Variants in RBFOX1 observed in about 807,000 individuals in gnomAD.
RBFOX1 encodes the protein RNA binding fox-1 homolog 1.
Under a neutral mutation model 57.7 loss-of-function variants are expected in RBFOX1, and 8 were observed. The ratio of observed to expected loss-of-function variants is 0.14; its 90% CI spans 0.08 to 0.25. RBFOX1 has a LOEUF of 0.25. Among genes scored for constraint, RBFOX1 ranks in the 10% least tolerant of loss-of-function variants. RBFOX1 has a pLI of 1.00. For synonymous variants in RBFOX1, 326 were observed against 222.4 expected, an observed-to-expected ratio of 1.47 and a Z score of -4.15; for missense variants, 611 against 548.5, an observed-to-expected ratio of 1.11 and a Z score of -1.14.
intron 1 of RBFOX1, among the ~76,000 whole-genome samples, chr16:5,320,455 A>T (rs1002053730): frequency 6.6e-6 from 1 of 152,218 alleles, no homozygotes; most frequent in African/African-American, 2.4e-5. Context: ...CAGTAAGTCC[A>T]AGAACAAGAC....
intron 2 of RBFOX1, among the ~76,000 whole-genome samples, chr16:6,515,144 G>A (rs1213575017): frequency 6.6e-6 from 1 of 152,170 alleles, no homozygotes; most frequent in African/African-American, 2.4e-5. Context: ...GCTAAGTCCT[G>A]TGGTCAGACC....
In RBFOX1 at chr16:5,664,031, GAGAC is replaced by G. The variant is rs370077158; in HGVS notation, c.318+65078_318+65081del. 1.6e-4 allele frequency among the ~76,000 whole-genome samples: 25 copies of G among 152,280 alleles called. No individual in the cohort carries two copies. The East Asian group carries it at 3.3e-3, about 20-fold the overall frequency. On this transcript the variant is annotated intron_variant, in intron 3 of 19. Transcript: ENST00000641259. Reference sequence around the variant, plus strand: ...GCTCCTGGGGACCCCACACATGGAGGAGACAGACAGAGAGAGCACACTGTCTTCT... The same window carrying G: ...GCTCCTGGGGACCCCACACATGGAGGAGACAGAGAGAGCACACTGTCTTCT...
chr16:5,674,568 A>G (rs2151423644), intron 3 of RBFOX1, among the ~76,000 whole-genome samples: 1 of 152,242 alleles, frequency 6.6e-6, no homozygotes, highest in East Asian at 1.9e-4. Flanking sequence ...GGCAGAGCCC[A>G]GGTTCTGTTT....
At chr16:7,652,498 C>A (rs1468293511) in intron 11 of RBFOX1, among the ~76,000 whole-genome samples, 1 of 152,208 alleles carries the variant, frequency 6.6e-6, no homozygotes, top group African/African-American at 2.4e-5. Flanking sequence ...ACCTCCACCT[C>A]CCAGGTTCAA....
At chr16:6,692,605 C>T (rs2154133870) in intron 3 of RBFOX1, among the ~76,000 whole-genome samples, 1 of 151,080 alleles carries the variant, frequency 6.6e-6, no homozygotes, top group Admixed American at 6.6e-5. Flanking sequence ...TGTTGTCCTC[C>T]TTCCACCATG....
chr16:6,880,686 A>C (rs2062756741), intron 3 of RBFOX1, among the ~76,000 whole-genome samples: 1 of 152,210 alleles, frequency 6.6e-6, no homozygotes. Context: ...AAGAGCACTG[A>C]GCTGTATGAT....
At chr16:6,947,283 G>C (rs547774405) in intron 3 of RBFOX1, among the ~76,000 whole-genome samples, 1 of 152,174 alleles carries the variant, frequency 6.6e-6, no homozygotes, top group South Asian at 2.1e-4. Flanking sequence ...CTTGATTTTG[G>C]AGTAAGGTCA....
At chr16:6,784,127 G>A (rs1330806397) in intron 3 of RBFOX1, among the ~76,000 whole-genome samples, 1 of 151,914 alleles carries the variant, frequency 6.6e-6, no homozygotes, top group East Asian at 1.9e-4. Flanking sequence ...TCATCTGCTT[G>A]GTGTTGCTTG....
intron 1 of RBFOX1, among the ~76,000 whole-genome samples, chr16:6,194,838 A>G (rs2097169518): frequency 6.6e-6 from 1 of 152,196 alleles, no homozygotes; most frequent in Non-Finnish European, 1.5e-5. Flanking sequence ...GTTTATCTCT[A>G]TCCTTAGTGA....
chr16:6,735,204 G>C (rs1200081431), intron 3 of RBFOX1, among the ~76,000 whole-genome samples: 1 of 152,104 alleles, frequency 6.6e-6, no homozygotes, highest in African/African-American at 2.4e-5. Flanking sequence ...AACCAAACTG[G>C]TGGCTTATTG....
At chr16:7,320,555 G>T (rs969753707) in intron 4 of RBFOX1, among the ~76,000 whole-genome samples, 1 of 152,092 alleles carries the variant, frequency 6.6e-6, no homozygotes. Flanking sequence ...AACCACTTTT[G>T]TACTAGTCCA....
At chr16:7,046,645 G>C (rs1225333150) in intron 3 of RBFOX1, among the ~76,000 whole-genome samples, 1 of 126,276 alleles carries the variant, frequency 7.9e-6, no homozygotes, top group Admixed American at 9.9e-5. Context: ...GGAGTACAGA[G>C]TCTCAGTCTG....
At chr16:5,748,104 C>G (rs555588856) in intron 3 of RBFOX1, among the ~76,000 whole-genome samples, 4 of 152,254 alleles carry the variant, frequency 2.6e-5, no homozygotes, top group East Asian at 1.9e-4. Flanking sequence ...CAAAGAACAT[C>G]TTTATTTCTG....
chr16:5,754,463 A>G (rs2053327671), intron 3 of RBFOX1, among the ~76,000 whole-genome samples: 3 of 150,246 alleles, frequency 2.0e-5, no homozygotes, highest in African/African-American at 7.4e-5. Flanking sequence ...AAAGAAAAAG[A>G]CACAGAGACA....
chr16:5,454,680 A>G (rs537891339), intron 1 of RBFOX1, among the ~76,000 whole-genome samples: 1 of 152,160 alleles, frequency 6.6e-6, no homozygotes, highest in African/African-American at 2.4e-5. Flanking sequence ...CAGATTTAGG[A>G]TTTTGCAGCC....
At chr16:5,525,061 A>T (rs1342213700) in intron 2 of RBFOX1, among the ~76,000 whole-genome samples, 1 of 152,184 alleles carries the variant, frequency 6.6e-6, no homozygotes, top group Non-Finnish European at 1.5e-5. Context: ...AGGGCAAATA[A>T]TTCCTTCTTT....
chr16:7,391,031 A>T (rs967281167), intron 4 of RBFOX1, among the ~76,000 whole-genome samples: 2 of 152,138 alleles, frequency 1.3e-5, no homozygotes, highest in African/African-American at 4.8e-5. Context: ...TTGGAGGCTC[A>T]TTGGTAAGCC....
chr16:6,750,225 G>C (rs1281648004), intron 3 of RBFOX1, among the ~76,000 whole-genome samples: 2 of 152,182 alleles, frequency 1.3e-5, no homozygotes, highest in Non-Finnish European at 2.9e-5. Flanking sequence ...GGCTCTACCT[G>C]AGGGCATTTG....
intron 2 of RBFOX1, among the ~76,000 whole-genome samples, chr16:6,448,550 C>T (rs1351123564): frequency 6.6e-6 from 1 of 152,132 alleles, no homozygotes; most frequent in African/African-American, 2.4e-5. Context: ...TGTTTAGCAG[C>T]ATTCCTAGAC....
Sources: allele counts gnomAD v4.1 joint callset (sites outside exome capture counted in the v4.1 genomes callset), GRCh38; gene constraint gnomAD v4.1.1; transcripts MANE v1.5; gene names NCBI Gene and HGNC (gene_info 2026-07-23, HGNC 2026-07-21).